ARHGEF10L: variants seen among roughly 807,000 people sequenced by gnomAD.
The protein encoded by ARHGEF10L is Rho guanine nucleotide exchange factor 10 like, also known as rho guanine nucleotide exchange factor 10-like protein.
A neutral mutation model predicts 141.2 loss-of-function variants in ARHGEF10L; 69 were observed. The observed-to-expected ratio is 0.49, with a 90% CI of 0.40 to 0.60. ARHGEF10L has a LOEUF of 0.60. Ranked by LOEUF, ARHGEF10L falls within the 20% of genes least tolerant of loss-of-function variation. The pLI is 0.00. For missense variants in ARHGEF10L, 1,482 were observed against 1,734.3 expected (o/e 0.85, Z 2.58); for synonymous variants, 711 against 718.5 (o/e 0.99, Z 0.17).
Position 17,654,580 on chromosome 1 carries a change from T to C in ARHGEF10L, c.2395-56T>C. 6.7e-7 allele frequency: 1 copy of C among 1,491,280 alleles called. No homozygotes were observed. The highest frequency in any genetic ancestry group is 1.1e-5 in the South Asian group (1 of 88,772). 92.4% of individuals were successfully genotyped at this position (1,491,280 alleles called of 1,614,324 possible). On this transcript the variant is annotated intron_variant, in intron 22 of 28. Coordinates refer to ENST00000361221, the MANE Select transcript of ARHGEF10L (RefSeq NM_018125.4). This position sits in a 1 kb window ranked among gnomAD's most constrained non-coding sequence, Gnocchi z 4.3. ...ATGGGGCCCAGGAATCTGCCAAATA[T>C]TGGCATCTGGGCACCTTGATGATTA...
At chr1:17,663,578 A>T (rs2062780155) in intron 25 of ARHGEF10L, among the ~76,000 whole-genome samples, 1 of 151,882 alleles carries the variant, frequency 6.6e-6, no homozygotes, top group Admixed American at 6.6e-5. Flanking sequence ...AAACAAAAAA[A>T]AACCACCCTC....
intron 1 of ARHGEF10L, among the ~76,000 whole-genome samples, chr1:17,548,646 C>CTTTTTT (rs892480738): frequency 6.2e-4 from 55 of 88,280 alleles, no homozygotes; most frequent in African/African-American, 1.5e-3. Context: ...CAAAATAATT[C>CTTTTTT]TTTTTTTTTT....
In ARHGEF10L at chr1:17,627,398, G is replaced by A. The variant is rs758835984; in HGVS notation, c.1479G>A (p.Leu493=). The A allele has an allele frequency of 6.2e-7, 1 of 1,614,080 alleles. No homozygotes were observed. The highest frequency in any genetic ancestry group is 2.2e-5 in the East Asian group (1 of 44,876). The change falls in exon 15 of 29, where the codon CTG becomes CTA. Residue 493 remains leucine (L), a synonymous_variant. Coordinates refer to ENST00000361221, the MANE Select transcript of ARHGEF10L (RefSeq NM_018125.4). The surrounding 1 kb of genome is among the most constrained non-coding windows in gnomAD (Gnocchi z 4.0). The stretch of plus-strand genomic sequence containing the variant: ...CGCTGCAGCTGGCCCTCACAGAGCT[G>A]GAGACGCTGGCTGAGAAGCTGAACG... ...RLSLQLALTE[L]ETLAEKLNEQ...
At chr1:17,587,388 C>T in intron 2 of ARHGEF10L, 72 bp from the exon 3 acceptor site, 2 of 1,497,358 alleles carry the variant, frequency 1.3e-6, no homozygotes, top group Non-Finnish European at 1.8e-6. Flanking sequence ...CCATGCCCAC[C>T]TACCCCAGCC....
rs965068132 is a variant in ARHGEF10L, at chr1:17,673,319, C to T, written c.3009+8724C>T. Among the ~76,000 whole-genome samples the T allele has an allele frequency of 2.6e-5, 4 of 152,142 alleles. No individual in the cohort carries two copies. The highest frequency in any genetic ancestry group is 9.7e-5 in the African/African-American group (4 of 41,428). On this transcript the variant is annotated intron_variant, in intron 26 of 28. Transcript: ENST00000361221. The surrounding 1 kb of genome is among the most constrained non-coding windows in gnomAD (Gnocchi z 4.1). ...CTCTGTGTGTCTCTTCCACATCCCCCTCCCCTCTGAGCCCGGCAGCAGGGA... is the reference window on the plus strand; with the variant it reads ...CTCTGTGTGTCTCTTCCACATCCCCTTCCCCTCTGAGCCCGGCAGCAGGGA...
intron 4 of ARHGEF10L, 90 bp downstream of exon 4, chr1:17,588,569 G>C: frequency 6.6e-7 from 1 of 1,516,360 alleles, no homozygotes; most frequent in African/African-American, 1.4e-5. Context: ...AGGCCCAGAG[G>C]ACCCGACTGG....
At chr1:17,547,038 C>T (rs942544277) in intron 1 of ARHGEF10L, among the ~76,000 whole-genome samples, 1 of 152,222 alleles carries the variant, frequency 6.6e-6, no homozygotes, top group Non-Finnish European at 1.5e-5. Context: ...ACTCTTGTGT[C>T]TTTCCTTGAG....
Position 17,664,452 on chromosome 1 carries a change from G to A in ARHGEF10L, c.2866G>A (p.Val956Ile). The change falls in exon 26 of 29, where the codon GTC (valine) becomes ATC (isoleucine). Residue 956 changes from valine to isoleucine, a missense_variant. Val to Ile is a conservative substitution (Grantham distance 29). Transcript: ENST00000361221. Reference sequence around the variant, plus strand: ...CCTCCCCTCTCTCCCTGCAGGAGGTGTCCTGTGGGACCTGGAGAGCCCTCC... The same window carrying A: ...CCTCCCCTCTCTCCCTGCAGGAGGTATCCTGTGGGACCTGGAGAGCCCTCC... The part of the protein sequence containing the change: ...LAAYPRTSGG[V>I]LWDLESPPVC... 3 of 1,603,256 alleles carry A rather than the reference G, an allele frequency of 1.9e-6. No individual in the cohort carries two copies. The highest frequency in any genetic ancestry group is 2.2e-5 in the East Asian group (1 of 44,820).
intron 1 of ARHGEF10L, among the ~76,000 whole-genome samples, chr1:17,564,842 T>C (rs141795227): frequency 6.6e-6 from 1 of 152,276 alleles, no homozygotes; most frequent in Non-Finnish European, 1.5e-5. Flanking sequence ...GCACTGACAT[T>C]GGGCAACCCA....
Position 17,697,480 on chromosome 1 carries a change from G to A in ARHGEF10L, c.*100G>A. 7.1e-7 allele frequency: 1 copy of A among 1,415,452 alleles called. No homozygotes were observed. The highest frequency in any genetic ancestry group is 9.5e-7 in the Non-Finnish European group (1 of 1,057,936). 87.7% of individuals were successfully genotyped at this position (1,415,452 alleles called of 1,614,324 possible). A position where few individuals can be genotyped will look rare whatever the true frequency, so the allele number is the denominator to read the frequency against. On this transcript the variant is annotated 3_prime_UTR_variant, in exon 29 of 29. Coordinates refer to ENST00000361221, the MANE Select transcript of ARHGEF10L (RefSeq NM_018125.4). This position sits in a 1 kb window ranked among gnomAD's most constrained non-coding sequence, Gnocchi z 4.8. ...CTGCACGGGACTTGTGGATGGGCCT[G>A]GACTCTCCAGAAACTACTTGGGCAG...
At chr1:17,680,761 A>G (rs776147715) in intron 26 of ARHGEF10L, among the ~76,000 whole-genome samples, 1 of 141,384 alleles carries the variant, frequency 7.1e-6, no homozygotes, top group Non-Finnish European at 1.5e-5. Flanking sequence ...TTTTTTTTTT[A>G]AATTACTTTG....
chr1:17,637,330 C>T (rs887010010), intron 18 of ARHGEF10L, among the ~76,000 whole-genome samples: 15 of 152,208 alleles, frequency 9.9e-5, no homozygotes, highest in African/African-American at 3.4e-4. Context: ...GCAGGCCCCT[C>T]CTCTCTCCCA....
the ARHGEF10L span, among the ~76,000 whole-genome samples, chr1:17,532,044 TAGGCCC>T: frequency 2.6e-4 from 39 of 152,222 alleles, no homozygotes; most frequent in Non-Finnish European, 5.3e-4. Flanking sequence ...AGTCTTTCTC[TAGGCCC>T]AGGCCCAGGC....
intron 25 of ARHGEF10L, among the ~76,000 whole-genome samples, chr1:17,664,155 G>A (rs934886180): frequency 2.0e-5 from 3 of 152,116 alleles, no homozygotes; most frequent in African/African-American, 4.8e-5. Flanking sequence ...CGGAATGAAT[G>A]AATGGGAGAG....
At chr1:17,665,876 G>A (rs2062948833) in intron 26 of ARHGEF10L, among the ~76,000 whole-genome samples, 1 of 152,194 alleles carries the variant, frequency 6.6e-6, no homozygotes, top group South Asian at 2.1e-4. Flanking sequence ...ACCCAGGCGA[G>A]CTGCCGGCAT....
intron 11 of ARHGEF10L, 66 bp downstream of exon 11, chr1:17,622,007 T>C: frequency 6.4e-7 from 1 of 1,557,280 alleles, no homozygotes; most frequent in Non-Finnish European, 8.9e-7. Context: ...AGGGTAACTT[T>C]ATACGGAGTG....
chr1:17,567,182 A>G (rs1283708000), intron 1 of ARHGEF10L, among the ~76,000 whole-genome samples: 1 of 152,152 alleles, frequency 6.6e-6, no homozygotes, highest in Admixed American at 6.5e-5. Flanking sequence ...CCCTCCAGCT[A>G]GCATTTTTGG....
At chr1:17,522,756 A>G in the ARHGEF10L span, among the ~76,000 whole-genome samples, 8 of 151,976 alleles carry the variant, frequency 5.3e-5, no homozygotes, top group South Asian at 1.7e-3. Flanking sequence ...TGGGACTTTC[A>G]GGGGGGTGAC....
At chr1:17,622,226 GTCC>G (rs1168257611) in intron 11 of ARHGEF10L, among the ~76,000 whole-genome samples, 1 of 152,178 alleles carries the variant, frequency 6.6e-6, no homozygotes, top group African/African-American at 2.4e-5. Flanking sequence ...AAGGCACTGT[GTCC>G]TCCTGCCACT....
Sources: allele counts gnomAD v4.1 joint callset (sites outside exome capture counted in the v4.1 genomes callset), GRCh38; gene constraint gnomAD v4.1.1; non-coding constraint Gnocchi (gnomAD v3.1); transcripts MANE v1.5; gene names NCBI Gene and HGNC (gene_info 2026-07-23, HGNC 2026-07-21).